CELF5: variants seen among roughly 807,000 people sequenced by gnomAD.
CELF5 encodes CUG-BP and ETR-3 like factor 5.
A neutral mutation model predicts 54.9 loss-of-function variants in CELF5; 6 were observed. The ratio of observed to expected loss-of-function variants is 0.11; its 90% confidence interval spans 0.06 to 0.22. CELF5 has a LOEUF of 0.22. Ranked by LOEUF, CELF5 falls within the 10% of genes least tolerant of loss-of-function variation. CELF5 has a pLI of 1.00. For synonymous variants in CELF5, 271 were observed against 290.9 expected (o/e 0.93, Z 0.70); for missense variants, 401 against 678.6 (o/e 0.59, Z 4.54).
At chr19:3,286,709 G>A (rs1444989190) in intron 10 of CELF5, 2 of 143,200 alleles carry the variant, frequency 1.4e-5, no homozygotes, top group African/African-American at 5.2e-5. Flanking sequence ...TCCAGCCTGG[G>A]TGAGAGAGCA....
At chr19:3,262,693 G>A (rs1267026070) in intron 2 of CELF5, among the ~76,000 whole-genome samples, 1 of 152,090 alleles carries the variant, frequency 6.6e-6, no homozygotes, top group Non-Finnish European at 1.5e-5. Context: ...GCTCACTCCT[G>A]TAATCCCAGC....
At position 3,268,155 on chromosome 19, in the gene CELF5, C is replaced by T. The variant is rs541179495; in HGVS notation, c.343-5717C>T. Among the ~76,000 whole-genome samples the T allele has an allele frequency of 6.4e-4, 97 of 152,144 alleles. 1 individual carries two copies. Among genetic ancestry groups the T allele is most frequent in the South Asian group, 2.1e-3 (10 of 4,810 alleles). ...CTGGGATTACAGGTGCCCGCCACCA[C>T]GCCCAGCTACTTTTTGTATTTTTAG... On this transcript the variant is annotated intron_variant, in intron 2 of 12. Coordinates refer to ENST00000292672, the MANE Select transcript of CELF5 (RefSeq NM_021938.4). This position sits in a 1 kb window ranked among gnomAD's most constrained non-coding sequence, Gnocchi z 4.4.
At chr19:3,261,044 G>A (rs548047315) in intron 2 of CELF5, among the ~76,000 whole-genome samples, 29 of 152,232 alleles carry the variant, frequency 1.9e-4, no homozygotes, top group African/African-American at 6.7e-4. Context: ...GACTACAGGT[G>A]TGAGTCACTG....
At chr19:3,284,041 C>A (rs746339764) in intron 8 of CELF5, among the ~76,000 whole-genome samples, 7 of 151,800 alleles carry the variant, frequency 4.6e-5, no homozygotes, top group Non-Finnish European at 8.8e-5. Flanking sequence ...AAATGAGGGT[C>A]TTGCTATGTT....
chr19:3,284,960 C>T lies in CELF5; in HGVS notation c.1098C>T (p.Tyr366=). 1.2e-6 allele frequency: 2 copies of T among 1,611,138 alleles called. No individual in the cohort carries two copies. Among genetic ancestry groups the T allele is most frequent in the Non-Finnish European group, 1.7e-6 (2 of 1,179,024 alleles). The change falls in exon 9 of 13, where the codon TAC becomes TAT. Residue 366 remains tyrosine (Y), a synonymous_variant. Transcript: ENST00000292672. ...LHPAFSGVQQ[Y]TAMYPTAAIT... is the part of the protein sequence containing the mutation. ...CTGCCTTCTCCGGAGTCCAGCAGTA[C>T]ACAGGTAGGAGGCAGCCCGCGTGCC...
chr19:3,259,876 A>T (rs1042069559), intron 2 of CELF5, among the ~76,000 whole-genome samples: 1 of 152,186 alleles, frequency 6.6e-6, no homozygotes, highest in African/African-American at 2.4e-5. Flanking sequence ...TCCGGCCCCA[A>T]TGTCCACAGT....
chr19:3,289,713 A>AAAT, intron 10 of CELF5, among the ~76,000 whole-genome samples: 1 of 149,260 alleles, frequency 6.7e-6, no homozygotes, highest in Admixed American at 6.7e-5. Context: ...AAAAAAAAAA[A>AAAT]AATTAGCAAC....
chr19:3,289,247 G>T (rs987414191), intron 10 of CELF5, among the ~76,000 whole-genome samples: 5 of 152,060 alleles, frequency 3.3e-5, no homozygotes, highest in Non-Finnish European at 7.4e-5. Context: ...GTTTGAGAAA[G>T]GGAAATAATA....
chr19:3,253,255 C>T (rs1034648779), intron 2 of CELF5, among the ~76,000 whole-genome samples: 1 of 152,116 alleles, frequency 6.6e-6, no homozygotes, highest in Non-Finnish European at 1.5e-5. Context: ...AACAAATTAT[C>T]CCCAAAATAA....
intron 12 of CELF5, chr19:3,293,821 G>A (rs1399169537): frequency 4.6e-6 from 1 of 219,396 alleles, no homozygotes; most frequent in Non-Finnish European, 9.3e-6. Context: ...TGGGGGTGCG[G>A]TGGGGAGGGG....
chr19:3,227,958 G>A (rs1023863100), intron 1 of CELF5, among the ~76,000 whole-genome samples: 18 of 152,108 alleles, frequency 1.2e-4, no homozygotes, highest in Non-Finnish European at 2.1e-4. Flanking sequence ...CGAAGGTGGC[G>A]TGGGGGCAGC....
At chr19:3,293,787 G>C (rs1412640214) in intron 12 of CELF5, 3 of 252,660 alleles carry the variant, frequency 1.2e-5, no homozygotes, top group Non-Finnish European at 2.3e-5. Context: ...AAGTTCACCT[G>C]AGAGGCCAGG....
intron 1 of CELF5, chr19:3,225,487 T>C: frequency 4.0e-6 from 1 of 248,320 alleles, no homozygotes; most frequent in Non-Finnish European, 5.9e-6. Flanking sequence ...CCCCATTCAT[T>C]CAGCCTCCCC....
intron 1 of CELF5, among the ~76,000 whole-genome samples, chr19:3,249,930 C>T (rs1332620401): frequency 6.6e-6 from 1 of 152,130 alleles, no homozygotes; most frequent in East Asian, 1.9e-4. Context: ...CCACTCCCCT[C>T]ACCCCACCTT....
Position 3,275,719 on chromosome 19 carries a change from C to T in CELF5, c.395-137C>T. On this transcript the variant is annotated intron_variant, in intron 3 of 12. Transcript: ENST00000292672. The surrounding 1 kb of genome is among the most constrained non-coding windows in gnomAD (Gnocchi z 6.7). ...GCGCGGCTGGGTCCTCCCTCGCACG[C>T]GCAGAACCGGAGCCGGCAGGGCCCG... 1.1e-6 allele frequency: 1 copy of T among 911,114 alleles called. No individual in the cohort carries two copies. The highest frequency in any genetic ancestry group is 1.6e-6 in the Non-Finnish European group (1 of 625,430). The allele number at this position is 911,114 out of a possible 1,614,324, so 56.4% of individuals were successfully genotyped here.
At chr19:3,229,216 A>C (rs1413946866) in intron 1 of CELF5, among the ~76,000 whole-genome samples, 10 of 151,786 alleles carry the variant, frequency 6.6e-5, no homozygotes, top group Admixed American at 6.6e-4. Flanking sequence ...AGTGGGCTAG[A>C]TGTTAATCCG....
chr19:3,260,285 T>G (rs1214937409), intron 2 of CELF5, among the ~76,000 whole-genome samples: 1 of 151,060 alleles, frequency 6.6e-6, no homozygotes, highest in Non-Finnish European at 1.5e-5. Context: ...CCCAGCTAAT[T>G]TTTGTGTTTT....
At chr19:3,258,149 C>T (rs930216450) in intron 2 of CELF5, among the ~76,000 whole-genome samples, 25 of 151,692 alleles carry the variant, frequency 1.6e-4, no homozygotes, top group Non-Finnish European at 3.4e-4. Context: ...GTAGAGATGG[C>T]GTTTCACCAT....
intron 2 of CELF5, among the ~76,000 whole-genome samples, chr19:3,266,378 G>A (rs1400252244): frequency 8.0e-5 from 12 of 150,918 alleles, no homozygotes. Context: ...CACTATGATC[G>A]CACCACTGCA....
Sources: gnomAD v4.1 joint callset for allele counts (sites outside exome capture counted in the v4.1 genomes callset) on GRCh38, gnomAD v4.1.1 for gene constraint, Gnocchi (gnomAD v3.1) non-coding constraint, MANE v1.5 for transcripts, NCBI Gene and HGNC (gene_info 2026-07-23, HGNC 2026-07-21) for gene names.